TNFRSF19: variants seen among roughly 807,000 people sequenced by gnomAD.
TNFRSF19 encodes the protein tumor necrosis factor receptor superfamily member 19.
TNFRSF19 carries 27 observed loss-of-function variants against 46.4 expected under a neutral mutation model. The observed-to-expected ratio is 0.58, with a 90% CI of 0.43 to 0.80. TNFRSF19 has a LOEUF of 0.80. Among genes scored for constraint, TNFRSF19 ranks in the 30% least tolerant of loss-of-function variants. The pLI, the probability that TNFRSF19 is intolerant of heterozygous loss-of-function variation, is 0.00. For synonymous variants in TNFRSF19, 204 were observed against 205.0 expected, an observed-to-expected ratio of 1.00 and a Z score of 0.04; for missense variants, 511 against 530.8, an observed-to-expected ratio of 0.96 and a Z score of 0.37.
At chr13:23,597,494 T>C (rs1384906695) in intron 3 of TNFRSF19, among the ~76,000 whole-genome samples, 1 of 152,118 alleles carries the variant, frequency 6.6e-6, no homozygotes, top group East Asian at 1.9e-4. Context: ...TTAGAAAATC[T>C]AGAAGAAATT....
At position 23,669,088 on chromosome 13, in the gene TNFRSF19, G is replaced by A. The variant is rs751635996; in HGVS notation, c.1236G>A (p.Thr412=). Residue 412 remains threonine (T), a synonymous_variant, in exon 9 of 10, where the codon ACG becomes ACA. Coordinates refer to ENST00000248484, the MANE Select transcript of TNFRSF19 (RefSeq NM_148957.4). ...CTGTCATCCACCCAGCCACTCAGACGTCCCTCCAGGTAAGGCAGCGACTGG... is the reference window on the plus strand; with the variant it reads ...CTGTCATCCACCCAGCCACTCAGACATCCCTCCAGGTAAGGCAGCGACTGG... ...SGAVIHPATQ[T]SLQEA is the part of the protein sequence containing the mutation. The A allele has an allele frequency of 1.6e-5, 26 of 1,613,756 alleles. No individual in the cohort carries two copies. Among genetic ancestry groups the A allele is most frequent in the Middle Eastern group, 1.6e-4 (1 of 6,062 alleles).
intron 5 of TNFRSF19, among the ~76,000 whole-genome samples, chr13:23,645,471 G>A (rs996701493): frequency 6.6e-6 from 1 of 152,146 alleles, no homozygotes; most frequent in Non-Finnish European, 1.5e-5. Flanking sequence ...CAAAGTGCTG[G>A]GATTACAGGT....
At chr13:23,607,069 A>G (rs1449556034) in intron 3 of TNFRSF19, among the ~76,000 whole-genome samples, 1 of 152,204 alleles carries the variant, frequency 6.6e-6, no homozygotes, top group Non-Finnish European at 1.5e-5. Context: ...CTTTTGACTA[A>G]GACTAAGCTT....
chr13:23,607,349 G>A (rs977711691), intron 3 of TNFRSF19, among the ~76,000 whole-genome samples: 13 of 152,092 alleles, frequency 8.5e-5, no homozygotes, highest in African/African-American at 1.4e-4. Context: ...CAGGAGAATC[G>A]CTTGAGTCTG....
At chr13:23,638,681 T>G (rs901264014) in intron 5 of TNFRSF19, among the ~76,000 whole-genome samples, 15 of 152,158 alleles carry the variant, frequency 9.9e-5, no homozygotes, top group African/African-American at 3.1e-4. Context: ...CCTCCCTGAC[T>G]TCCTCCCTTC....
chr13:23,633,976 G>T lies in TNFRSF19; in HGVS notation c.445+7184G>T, dbSNP rs145143528. On this transcript the variant is annotated intron_variant, in intron 5 of 9. Transcript: ENST00000248484. ...TGTAATTGGTTTATATAATTATTTA[G>T]CTATTTCAAACACTTATTCTCCAGA... is the stretch of plus-strand genomic sequence containing the variant. Among the ~76,000 whole-genome samples the T allele has an allele frequency of 2.4e-4, 36 of 152,298 alleles. 1 individual carries two copies. Among genetic ancestry groups the T allele is most frequent in the African/African-American group, 8.2e-4 (34 of 41,564 alleles).
intron 1 of TNFRSF19, among the ~76,000 whole-genome samples, chr13:23,575,064 C>G (rs986452435): frequency 2.0e-5 from 3 of 152,238 alleles, no homozygotes; most frequent in African/African-American, 7.2e-5. Context: ...AAATGCCCCC[C>G]ATTCTTTGGT....
At chr13:23,654,214 T>C (rs1883831542) in intron 5 of TNFRSF19, among the ~76,000 whole-genome samples, 1 of 152,002 alleles carries the variant, frequency 6.6e-6, no homozygotes, top group South Asian at 2.1e-4. Context: ...TAGTAGGAAG[T>C]TGGAGAGGTT....
rs185619948 is a variant in TNFRSF19, at chr13:23,642,281, T to C, written c.445+15489T>C. On this transcript the variant is annotated intron_variant, in intron 5 of 9. Transcript: ENST00000248484. ...CGTTTCCAAAGGCCTCTCCACTGTATAGGCGGTTTCAGTCAAGAGACACTC... is the reference window on the plus strand; with the variant it reads ...CGTTTCCAAAGGCCTCTCCACTGTACAGGCGGTTTCAGTCAAGAGACACTC... 3.3e-3 allele frequency among the ~76,000 whole-genome samples: 510 copies of C among 152,296 alleles called. 6 individuals carry two copies. In the Middle Eastern group the frequency reaches 0.034, roughly 10 times the overall value.
intron 5 of TNFRSF19, among the ~76,000 whole-genome samples, chr13:23,654,765 GT>G (rs1385546145): frequency 2.6e-5 from 4 of 152,210 alleles, no homozygotes; most frequent in Non-Finnish European, 5.9e-5. Flanking sequence ...CTGCTTTGCT[GT>G]GTAACCTTGA....
At chr13:23,579,631 C>A (rs968910290) in intron 1 of TNFRSF19, 33 of 152,246 alleles carry the variant, frequency 2.2e-4, no homozygotes, top group African/African-American at 8.0e-4. Context: ...AGGCGGCCGC[C>A]CTAGGGAGGG....
At chr13:23,594,410 T>C (rs1593240218) in intron 3 of TNFRSF19, 1 of 338,566 alleles carries the variant, frequency 3.0e-6, no homozygotes, top group Non-Finnish European at 6.1e-6. Flanking sequence ...CACTCAAGCA[T>C]GGTGAGGGGA....
intron 4 of TNFRSF19, among the ~76,000 whole-genome samples, chr13:23,619,636 T>C (rs1347326769): frequency 6.6e-6 from 1 of 152,240 alleles, no homozygotes; most frequent in East Asian, 1.9e-4. Context: ...AGTTTTGATC[T>C]TGTGCAAATC....
At chr13:23,628,081 C>T (rs74418791) in intron 5 of TNFRSF19, among the ~76,000 whole-genome samples, 6 of 152,232 alleles carry the variant, frequency 3.9e-5, no homozygotes, top group East Asian at 1.9e-4. Context: ...TTACTTTTCT[C>T]AATAATCCTA....
intron 3 of TNFRSF19, among the ~76,000 whole-genome samples, chr13:23,612,649 A>C (rs529565502): frequency 2.6e-5 from 4 of 152,364 alleles, no homozygotes; most frequent in African/African-American, 9.6e-5. Context: ...AGGCTTTAAA[A>C]ATATTACATT....
intron 5 of TNFRSF19, among the ~76,000 whole-genome samples, chr13:23,658,656 G>A (rs1884139417): frequency 6.6e-6 from 1 of 152,152 alleles, no homozygotes; most frequent in African/African-American, 2.4e-5. Flanking sequence ...TTAAAAATAT[G>A]GTGTAATTCC....
chr13:23,598,606 A>T (rs540861929), intron 3 of TNFRSF19, among the ~76,000 whole-genome samples: 83 of 152,296 alleles, frequency 5.4e-4, no homozygotes, highest in African/African-American at 2.0e-3. Context: ...CAGTGAGTGT[A>T]TGTTACTCCC....
chr13:23,634,256 T>C (rs1306383489), intron 5 of TNFRSF19, among the ~76,000 whole-genome samples: 1 of 152,204 alleles, frequency 6.6e-6, no homozygotes, highest in Non-Finnish European at 1.5e-5. Flanking sequence ...ACCCCTTGAA[T>C]TGGGAGCTGC....
intron 9 of TNFRSF19, among the ~76,000 whole-genome samples, chr13:23,671,661 C>T (rs1278190553): frequency 6.6e-6 from 1 of 152,080 alleles, no homozygotes; most frequent in Non-Finnish European, 1.5e-5. Context: ...TTTTCTTTCC[C>T]AATCTAAATT....
Sources: allele counts gnomAD v4.1 joint callset (sites outside exome capture counted in the v4.1 genomes callset), GRCh38; gene constraint gnomAD v4.1.1; transcripts MANE v1.5; gene names NCBI Gene and HGNC (gene_info 2026-07-23, HGNC 2026-07-21).